STXBP5: variants seen among roughly 807,000 people sequenced by gnomAD.
The protein encoded by STXBP5 is syntaxin-binding protein 5.
Under a neutral mutation model 152.4 loss-of-function variants are expected in STXBP5, and 50 were observed. The observed-to-expected ratio is 0.33, with a 90% CI of 0.26 to 0.42. STXBP5 has a LOEUF of 0.42. STXBP5 is among the 10% of genes least tolerant of loss of function. The pLI, the probability that STXBP5 is intolerant of heterozygous loss-of-function variation, is 1.00. For synonymous variants in STXBP5, 492 were observed against 494.7 expected (o/e 0.99, Z 0.07); for missense variants, 1,167 against 1,388.6 (o/e 0.84, Z 2.54).
At position 147,390,233 on chromosome 6, in the gene STXBP5, T is replaced by C. The variant is rs1163824620; in HGVS notation, c.*5478T>C. On this transcript the variant is annotated 3_prime_UTR_variant, in exon 28 of 28. Transcript: ENST00000321680. ...CACTATTGGAAACACTAAAAACGTGTTAAACTTTGTAGTTATTTTGCATTC... is the reference window on the plus strand; with the variant it reads ...CACTATTGGAAACACTAAAAACGTGCTAAACTTTGTAGTTATTTTGCATTC... The C allele has an allele frequency of 6.6e-6, 1 of 152,060 alleles. No individual in the cohort carries two copies. The highest frequency in any genetic ancestry group is 1.9e-4 in the East Asian group (1 of 5,184). The allele number at this position is 152,060 out of a possible 1,614,324, so 9.4% of individuals were successfully genotyped here. A position where few individuals can be genotyped will look rare whatever the true frequency, so the allele number is the denominator to read the frequency against.
intron 2 of STXBP5, among the ~76,000 whole-genome samples, chr6:147,230,256 T>C (rs1777929883): frequency 6.6e-6 from 1 of 151,954 alleles, no homozygotes; most frequent in Non-Finnish European, 1.5e-5. Context: ...TAAAATGTTT[T>C]TTAGCTGATC....
chr6:147,324,820 G>T, intron 16 of STXBP5, 139 bp from the exon 17 acceptor site: 1 of 806,152 alleles, frequency 1.2e-6, no homozygotes. Flanking sequence ...CTCCAACTAG[G>T]TTAAATGCTT....
chr6:147,331,805 T>TAAAAAAAAAAAAAAAAAAAAAAAAAAA, intron 18 of STXBP5, among the ~76,000 whole-genome samples: 1 of 115,410 alleles, frequency 8.7e-6, no homozygotes, highest in Non-Finnish European at 1.8e-5. Context: ...TTCTACCAGT[T>TAAAAAAAAAAAAAAAAAAAAAAAAAAA]AAAAAAAAAA....
intron 7 of STXBP5, among the ~76,000 whole-genome samples, chr6:147,274,448 T>C (rs1361896072): frequency 1.3e-5 from 2 of 152,188 alleles, no homozygotes; most frequent in African/African-American, 4.8e-5. Flanking sequence ...TTTTATCAAC[T>C]ACCTTACAAA....
Position 147,310,224 on chromosome 6 carries a change from C to A in STXBP5, c.1058C>A (p.Thr353Lys). ...GTTGATTTTCTAACGCTGTGTGAAA[C>A]ACCATACCCAAATGGTAAGCTTTGC... is the stretch of plus-strand genomic sequence containing the variant. ...SIVDFLTLCE[T>K]PYPNDFQEPY... Residue 353 changes from threonine (T) to lysine (K), a missense_variant, in exon 10 of 28, where the codon ACA becomes AAA. Physicochemically the swap from Thr to Lys is moderately conservative, Grantham distance 78 (BLOSUM62 -1). Transcript: ENST00000321680. 6.4e-7 allele frequency: 1 copy of A among 1,571,020 alleles called. No individual in the cohort carries two copies. Among genetic ancestry groups the A allele is most frequent in the East Asian group, 2.3e-5 (1 of 43,266 alleles).
At position 147,204,622 on chromosome 6, in the gene STXBP5, T is replaced by G; in HGVS notation, c.90T>G (p.Pro30=). Residue 30 remains proline, a synonymous_variant, in exon 1 of 28, where the codon CCT becomes CCG. Coordinates refer to ENST00000321680, the MANE Select transcript of STXBP5 (RefSeq NM_001127715.4). The surrounding 1 kb of genome is among the most constrained non-coding windows in gnomAD (Gnocchi z 4.3). ...AGCAGCAACAGCAGCAGCATCCGCCTGGGAACCGGGAGCCGGAGATCCAGG... is the reference window on the plus strand; with the variant it reads ...AGCAGCAACAGCAGCAGCATCCGCCGGGGAACCGGGAGCCGGAGATCCAGG... ...ASQQQQQQHP[P]GNREPEIQET... 7 of 1,610,526 alleles carry G rather than the reference T, an allele frequency of 4.3e-6. No individual in the cohort carries two copies. The South Asian group carries it at 4.4e-5, about 10-fold the overall frequency.
chr6:147,287,194 ATT>A (rs11370591), intron 8 of STXBP5, among the ~76,000 whole-genome samples: 74 of 75,244 alleles, frequency 9.8e-4, no homozygotes, highest in Non-Finnish European at 1.5e-3. Flanking sequence ...TTAATTGTAC[ATT>A]TTTTTTTTTT....
intron 6 of STXBP5, among the ~76,000 whole-genome samples, chr6:147,265,493 G>C (rs1008347710): frequency 2.0e-5 from 3 of 152,078 alleles, no homozygotes; most frequent in African/African-American, 7.2e-5. Flanking sequence ...ACTAGTTTAA[G>C]AAAAGGAGCA....
chr6:147,241,436 C>G (rs1242518705), intron 4 of STXBP5, among the ~76,000 whole-genome samples: 1 of 152,142 alleles, frequency 6.6e-6, no homozygotes, highest in Non-Finnish European at 1.5e-5. Flanking sequence ...ATATGTGTCA[C>G]CTGTTTATCC....
chr6:147,310,360 T>A (rs1782304247), intron 10 of STXBP5, 122 bp downstream of exon 10: 2 of 711,994 alleles, frequency 2.8e-6, no homozygotes, highest in Admixed American at 8.3e-5. Context: ...GGAGAAGAGC[T>A]GCTGCATTCA....
intron 9 of STXBP5, among the ~76,000 whole-genome samples, chr6:147,307,246 T>G (rs1185531765): frequency 6.6e-6 from 1 of 152,184 alleles, no homozygotes; most frequent in Non-Finnish European, 1.5e-5. Context: ...CTGGCTGTCT[T>G]CCAAAATGAG....
Position 147,327,475 on chromosome 6 carries a change from G to A in STXBP5, c.2080+199G>A, listed in dbSNP as rs186026874. 1.7e-3 allele frequency among the ~76,000 whole-genome samples: 252 copies of A among 152,118 alleles called. 2 individuals carry two copies. The highest frequency in any genetic ancestry group is 4.3e-4 in the Non-Finnish European group (29 of 67,988). The stretch of plus-strand genomic sequence containing the variant: ...GGTTTTGCTTTTTTTTTGAGACAGG[G>A]TCTCACTCTGTCACCCAGACTGGTG... On this transcript the variant is annotated intron_variant, in intron 18 of 27. Coordinates refer to ENST00000321680, the MANE Select transcript of STXBP5 (RefSeq NM_001127715.4).
intron 2 of STXBP5, among the ~76,000 whole-genome samples, chr6:147,214,671 A>G (rs2115051134): frequency 6.6e-6 from 1 of 152,248 alleles, no homozygotes; most frequent in Admixed American, 6.5e-5. Flanking sequence ...CCATTTCTTT[A>G]TAAGTAATAT....
intron 8 of STXBP5, among the ~76,000 whole-genome samples, chr6:147,286,568 A>G (rs1780972326): frequency 6.6e-6 from 1 of 152,190 alleles, no homozygotes; most frequent in Non-Finnish European, 1.5e-5. Flanking sequence ...TTGATAGCTT[A>G]TTAATTATTA....
Position 147,386,040 on chromosome 6 carries a change from A to G in STXBP5, c.*1285A>G, listed in dbSNP as rs1583024291. ...TATTTCTGTATTGGAATATAATACA[A>G]TTTGAGACCAGCAATGGACAATGAA... On this transcript the variant is annotated 3_prime_UTR_variant, in exon 28 of 28. Coordinates refer to ENST00000321680, the MANE Select transcript of STXBP5 (RefSeq NM_001127715.4). 1 of 152,070 alleles carries G rather than the reference A, an allele frequency of 6.6e-6. No homozygotes were observed. The highest frequency in any genetic ancestry group is 1.9e-4 in the East Asian group (1 of 5,190). 9.4% of individuals were successfully genotyped at this position (152,070 alleles called of 1,614,324 possible).
At chr6:147,318,492 G>C (rs552853202) in intron 16 of STXBP5, among the ~76,000 whole-genome samples, 2 of 152,248 alleles carry the variant, frequency 1.3e-5, no homozygotes, top group African/African-American at 4.8e-5. Flanking sequence ...CTGCAATTAT[G>C]AGTTTTCTTT....
intron 5 of STXBP5, among the ~76,000 whole-genome samples, chr6:147,261,205 C>CA: frequency 6.6e-6 from 1 of 152,032 alleles, no homozygotes; most frequent in Non-Finnish European, 1.5e-5. Context: ...AATATATTAT[C>CA]AAATTAATTT....
intron 25 of STXBP5, among the ~76,000 whole-genome samples, chr6:147,370,214 C>A (rs1785477218): frequency 6.6e-6 from 1 of 151,976 alleles, no homozygotes; most frequent in Non-Finnish European, 1.5e-5. Flanking sequence ...AAGAGCAGAT[C>A]AGCAATAACT....
At chr6:147,225,374 C>T (rs547453985) in intron 2 of STXBP5, among the ~76,000 whole-genome samples, 2 of 152,188 alleles carry the variant, frequency 1.3e-5, no homozygotes, top group South Asian at 4.1e-4. Flanking sequence ...GAAACCTCAC[C>T]GGATATCACA....
Sources: allele counts gnomAD v4.1 joint callset (sites outside exome capture counted in the v4.1 genomes callset), GRCh38; gene constraint gnomAD v4.1.1; non-coding constraint Gnocchi (gnomAD v3.1); transcripts MANE v1.5; gene names NCBI Gene and HGNC (gene_info 2026-07-23, HGNC 2026-07-21).